Variants in SLC39A11 observed in about 807,000 individuals in gnomAD.
SLC39A11 encodes zinc transporter ZIP11.
In SLC39A11, 33 loss-of-function variants were observed where a neutral mutation model predicts 36.1. That is an observed-to-expected ratio of 0.91 (90% confidence interval 0.69 to 1.22). SLC39A11 has a LOEUF of 1.22. Ranked by LOEUF, SLC39A11 falls within the 50% of genes most tolerant of loss-of-function variation. SLC39A11 has a pLI of 0.00. For missense variants in SLC39A11, 432 were observed against 430.3 expected (o/e 1.00, Z -0.03); for synonymous variants, 166 against 170.3 (o/e 0.97, Z 0.20).
intron 5 of SLC39A11, among the ~76,000 whole-genome samples, chr17:72,880,739 T>C (rs2081154156): frequency 6.6e-6 from 1 of 151,392 alleles, no homozygotes; most frequent in Admixed American, 6.6e-5. Context: ...TGGAGTGCAG[T>C]GGCATAATCT....
At chr17:72,923,311 T>G (rs979703936) in intron 5 of SLC39A11, among the ~76,000 whole-genome samples, 10 of 151,192 alleles carry the variant, frequency 6.6e-5, no homozygotes, top group East Asian at 3.9e-4. Flanking sequence ...CAAGCAGGAG[T>G]TTTAAGGAGT....
chr17:72,714,635 G>A (rs1240807168), intron 7 of SLC39A11, among the ~76,000 whole-genome samples: 1 of 152,182 alleles, frequency 6.6e-6, no homozygotes, highest in Non-Finnish European at 1.5e-5. Flanking sequence ...ATTTACAGAT[G>A]AGGAACCTGA....
intron 5 of SLC39A11, among the ~76,000 whole-genome samples, chr17:72,896,649 T>C (rs1164581737): frequency 6.6e-6 from 1 of 152,084 alleles, no homozygotes; most frequent in African/African-American, 2.4e-5. Flanking sequence ...TTATAACACA[T>C]TTGTTCATTG....
chr17:72,732,404 C>T (rs188141035), intron 7 of SLC39A11, among the ~76,000 whole-genome samples: 3 of 152,302 alleles, frequency 2.0e-5, no homozygotes, highest in East Asian at 3.9e-4. Flanking sequence ...TCTTCCCTAA[C>T]GTCTCTTTCC....
In SLC39A11 at chr17:72,751,792, G is replaced by A. The variant is rs142193377; in HGVS notation, c.602-15073C>T. On this transcript the variant is annotated intron_variant, in intron 6 of 9. Coordinates refer to ENST00000255559, the MANE Select transcript of SLC39A11 (RefSeq NM_139177.4). ...GGGTTTTGTTATGTCAGCCAGGCTGGTCTCGAACCCCTGGCCTCGAGTGAT... is the reference window on the plus strand; with the variant it reads ...GGGTTTTGTTATGTCAGCCAGGCTGATCTCGAACCCCTGGCCTCGAGTGAT... 4.3e-4 allele frequency among the ~76,000 whole-genome samples: 65 copies of A among 152,266 alleles called. No homozygotes were observed. In the East Asian group the frequency reaches 9.8e-3, roughly 23 times the overall value.
At chr17:72,781,651 C>T (rs2076323796) in intron 6 of SLC39A11, among the ~76,000 whole-genome samples, 2 of 152,038 alleles carry the variant, frequency 1.3e-5, no homozygotes, top group Admixed American at 1.3e-4. Context: ...GGTCTCCTGA[C>T]CTCATGTTCT....
intron 3 of SLC39A11, among the ~76,000 whole-genome samples, chr17:73,075,578 C>T (rs973168467): frequency 1.1e-4 from 17 of 152,156 alleles, no homozygotes; most frequent in South Asian, 2.1e-4. Flanking sequence ...TGAGGCCGGG[C>T]GCAGTGGCTC....
At chr17:72,772,282 C>T (rs779269088) in intron 6 of SLC39A11, among the ~76,000 whole-genome samples, 3 of 152,216 alleles carry the variant, frequency 2.0e-5, no homozygotes, top group Non-Finnish European at 4.4e-5. Context: ...ACTGCTGGCA[C>T]GTCCAACCTG....
chr17:72,698,457 A>G (rs35242465), intron 7 of SLC39A11, among the ~76,000 whole-genome samples: 1 of 127,596 alleles, frequency 7.8e-6, no homozygotes, highest in Non-Finnish European at 1.5e-5. Flanking sequence ...CATAATAAAA[A>G]CCAAAAAAAA....
intron 7 of SLC39A11, among the ~76,000 whole-genome samples, chr17:72,695,124 A>G (rs532895583): frequency 1.9e-4 from 29 of 152,292 alleles, no homozygotes; most frequent in African/African-American, 7.0e-4. Context: ...AAGGGTAGAA[A>G]CGGGAAGTCT....
chr17:72,648,772 A>T (rs1171486445), intron 9 of SLC39A11, 31 bp downstream of exon 9: 1 of 1,613,438 alleles, frequency 6.2e-7, no homozygotes. Context: ...GGACTGGGAC[A>T]GGGACAGACA....
chr17:72,891,098 TG>T, intron 5 of SLC39A11, among the ~76,000 whole-genome samples: 1 of 52,900 alleles, frequency 1.9e-5, no homozygotes, highest in East Asian at 5.4e-4. Flanking sequence ...GGTTGGGGGG[TG>T]GGGGGTGGCA....
At chr17:72,649,692 G>A (rs1355873854) in intron 7 of SLC39A11, among the ~76,000 whole-genome samples, 1 of 141,924 alleles carries the variant, frequency 7.0e-6, no homozygotes, top group African/African-American at 2.7e-5. Context: ...ACTCCAGGCT[G>A]GAGTGCAGTG....
Position 72,745,608 on chromosome 17 carries a change from C to A in SLC39A11, c.602-8889G>T, listed in dbSNP as rs113908336. 1.3e-5 allele frequency among the ~76,000 whole-genome samples: 2 copies of A among 152,160 alleles called. 1 individual carries two copies. The highest frequency in any genetic ancestry group is 4.8e-5 in the African/African-American group (2 of 41,432). On this transcript the variant is annotated intron_variant, in intron 6 of 9. Coordinates refer to ENST00000255559, the MANE Select transcript of SLC39A11 (RefSeq NM_139177.4). ...GCTGTTGTGAAGCCACTATTCTCCG[C>A]CCTGTGCCTGTACCATTAATTCTTT...
chr17:72,653,441 C>CTTTTT (rs66924570), intron 7 of SLC39A11, among the ~76,000 whole-genome samples: 1 of 124,770 alleles, frequency 8.0e-6, no homozygotes, highest in Admixed American at 8.1e-5. Context: ...CTTTTCTTTT[C>CTTTTT]TTTTTTTTTT....
intron 6 of SLC39A11, among the ~76,000 whole-genome samples, chr17:72,845,990 A>G (rs1458408857): frequency 7.0e-6 from 1 of 143,006 alleles, no homozygotes; most frequent in African/African-American, 2.6e-5. Flanking sequence ...TCCATCTTTC[A>G]AACCAATGAA....
chr17:73,023,741 G>C (rs2058438418), intron 4 of SLC39A11, among the ~76,000 whole-genome samples: 1 of 152,156 alleles, frequency 6.6e-6, no homozygotes, highest in Admixed American at 6.5e-5. Flanking sequence ...CGCCCACCTT[G>C]GCCTCCCAAA....
intron 5 of SLC39A11, among the ~76,000 whole-genome samples, chr17:72,860,571 T>G (rs577385790): frequency 1.4e-3 from 217 of 152,184 alleles, no homozygotes; most frequent in Non-Finnish European, 2.4e-3. Flanking sequence ...GCTGGCATGC[T>G]GGACAAAGGC....
chr17:72,805,698 C>A (rs192795647), intron 6 of SLC39A11, among the ~76,000 whole-genome samples: 257 of 152,240 alleles, frequency 1.7e-3, no homozygotes, highest in African/African-American at 5.7e-3. Flanking sequence ...TGAGTGCAAA[C>A]AGTGACAGCC....
Sources: gnomAD v4.1 joint callset for allele counts (sites outside exome capture counted in the v4.1 genomes callset) on GRCh38, gnomAD v4.1.1 for gene constraint, MANE v1.5 for transcripts, NCBI Gene and HGNC (gene_info 2026-07-23, HGNC 2026-07-21) for gene names.